The following ADCY2 variants were observed in gnomAD, a reference collection of about 807,000 sequenced individuals.
ADCY2 encodes adenylate cyclase type 2.
Under a neutral mutation model 125.2 loss-of-function variants are expected in ADCY2, and 31 were observed. The observed-to-expected ratio is 0.25, with a 90% CI of 0.19 to 0.33. ADCY2 has a LOEUF of 0.33. Ranked by LOEUF, ADCY2 falls within the 10% of genes least tolerant of loss-of-function variation. ADCY2 has a pLI of 1.00. For missense variants in ADCY2, 904 were observed against 1,418.2 expected (o/e 0.64, Z 5.82); for synonymous variants, 512 against 548.4 (o/e 0.93, Z 0.93).
chr5:7,817,510 G>T (rs1196426833), intron 23 of ADCY2, among the ~76,000 whole-genome samples: 1 of 152,094 alleles, frequency 6.6e-6, no homozygotes, highest in Non-Finnish European at 1.5e-5. Flanking sequence ...AAAAAATCCA[G>T]CTTTCTTTAT....
Position 7,511,771 on chromosome 5 carries a change from C to G in ADCY2, c.409-8967C>G, listed in dbSNP as rs1285484433. Among the ~76,000 whole-genome samples, 8 of 151,918 alleles carry G rather than the reference C, an allele frequency of 5.3e-5. No individual in the cohort carries two copies. In the East Asian group the frequency reaches 1.5e-3, roughly 29 times the overall value. On this transcript the variant is annotated intron_variant, in intron 2 of 24. Transcript: ENST00000338316. ...AACCACTGCAAAGGTCTTGCAGTTG[C>G]TCAGGGACCAGCAGGAGGGCCGGTG...
intron 15 of ADCY2, among the ~76,000 whole-genome samples, chr5:7,748,556 A>ACG (rs1742708843): frequency 6.7e-6 from 1 of 149,954 alleles, no homozygotes; most frequent in African/African-American, 2.4e-5. Flanking sequence ...ACACACACAC[A>ACG]CACACACAAA....
intron 1 of ADCY2, among the ~76,000 whole-genome samples, chr5:7,403,977 A>ACAC (rs1156535290): frequency 0.014 from 1,708 of 122,486 alleles, 13 homozygotes; most frequent in Middle Eastern, 0.023. Context: ...CACACACACA[A>ACAC]AATTACTAAA....
intron 2 of ADCY2, among the ~76,000 whole-genome samples, chr5:7,421,608 T>G (rs1009156004): frequency 1.1e-4 from 16 of 152,184 alleles, no homozygotes; most frequent in Admixed American, 8.5e-4. Context: ...TGAAGCTATC[T>G]TTTCAGGGGA....
chr5:7,414,657 G>T lies in ADCY2; in HGVS notation c.295G>T (p.Glu99Ter). The part of the protein sequence containing the change: ...FFAIFILVCI[E>*]SVFKKLLRLF... ...TGCGATATTTATCCTGGTCTGCATC[G>T]AGTCTGTGTTTAAGAAGCTGCTGCG... Residue 99 changes from glutamate (E) to a stop codon, truncating the protein, a stop_gained, in exon 2 of 25, where the codon GAG (glutamate) becomes TAG (stop). Coordinates refer to ENST00000338316, the MANE Select transcript of ADCY2 (RefSeq NM_020546.3). LOFTEE classifies it high-confidence loss of function. The T allele has an allele frequency of 6.2e-7, 1 of 1,613,762 alleles. No homozygotes were observed. The highest frequency in any genetic ancestry group is 8.5e-7 in the Non-Finnish European group (1 of 1,179,928).
rs1308822192 is a variant in ADCY2 at position 7,826,957 on chromosome 5, G to C, written c.*86G>C. The C allele has an allele frequency of 6.7e-7, 1 of 1,490,956 alleles. No individual in the cohort carries two copies. Among genetic ancestry groups the C allele is most frequent in the African/African-American group, 1.4e-5 (1 of 71,392 alleles). 92.4% of individuals were successfully genotyped at this position (1,490,956 alleles called of 1,614,324 possible). A position where few individuals can be genotyped will look rare whatever the true frequency, so the allele number is the denominator to read the frequency against. On this transcript the variant is annotated 3_prime_UTR_variant, in exon 25 of 25. Transcript: ENST00000338316. ...ACTGCAACTTCTGTCCCTTGTTTTTGATGTGCGTGCTGTCTGTCCTATGGA... is the reference window on the plus strand; with the variant it reads ...ACTGCAACTTCTGTCCCTTGTTTTTCATGTGCGTGCTGTCTGTCCTATGGA...
intron 2 of ADCY2, among the ~76,000 whole-genome samples, chr5:7,420,911 G>A (rs1199938916): frequency 3.9e-5 from 6 of 152,128 alleles, no homozygotes; most frequent in African/African-American, 1.2e-4. Flanking sequence ...AAATACATGA[G>A]CATGTTGAAC....
At chr5:7,564,202 C>T (rs776146655) in intron 3 of ADCY2, among the ~76,000 whole-genome samples, 5 of 152,168 alleles carry the variant, frequency 3.3e-5, no homozygotes, top group Non-Finnish European at 7.4e-5. Flanking sequence ...GGTTGGTTAT[C>T]TGTTGGTCTA....
intron 3 of ADCY2, among the ~76,000 whole-genome samples, chr5:7,535,956 T>C (rs1734799547): frequency 6.6e-6 from 1 of 152,220 alleles, no homozygotes; most frequent in African/African-American, 2.4e-5. Flanking sequence ...GCCATTTTGA[T>C]TTCCTATTAA....
intron 2 of ADCY2, among the ~76,000 whole-genome samples, chr5:7,463,385 C>T (rs1741985283): frequency 6.6e-6 from 1 of 152,032 alleles, no homozygotes. Context: ...TCACCATAGG[C>T]CTGGGATGTG....
At chr5:7,482,751 T>A (rs1425916592) in intron 2 of ADCY2, among the ~76,000 whole-genome samples, 1 of 127,928 alleles carries the variant, frequency 7.8e-6, no homozygotes, top group Non-Finnish European at 1.7e-5. Flanking sequence ...AGCTGATGAA[T>A]GGATAAAGAA....
chr5:7,540,688 A>G (rs1479377726), intron 3 of ADCY2, among the ~76,000 whole-genome samples: 1 of 152,162 alleles, frequency 6.6e-6, no homozygotes. Flanking sequence ...ACTGGTGAGC[A>G]TTTCTCCCAG....
chr5:7,772,825 C>G, intron 17 of ADCY2, 107 bp from the exon 18 acceptor site: 1 of 1,071,620 alleles, frequency 9.3e-7, no homozygotes. Context: ...TCACAGCCAC[C>G]TTATATGTTG....
At position 7,657,951 on chromosome 5, in the gene ADCY2, G is replaced by C. The variant is rs1343127572; in HGVS notation, c.720+31635G>C. The C allele has an allele frequency of 3.3e-5, 5 of 152,388 alleles. No homozygotes were observed. In the East Asian group the frequency reaches 5.8e-4, roughly 18 times the overall value. 9.4% of individuals were successfully genotyped at this position (152,388 alleles called of 1,614,324 possible). A position where few individuals can be genotyped will look rare whatever the true frequency, so the allele number is the denominator to read the frequency against. On this transcript the variant is annotated intron_variant, in intron 4 of 24. Coordinates refer to ENST00000338316, the MANE Select transcript of ADCY2 (RefSeq NM_020546.3). ...CCAGCTCCCACTGAGGCTGATGGAC[G>C]GGAGGGACCATTCATTGGAAATGAG...
At chr5:7,572,517 T>G (rs1431662780) in intron 3 of ADCY2, among the ~76,000 whole-genome samples, 2 of 152,198 alleles carry the variant, frequency 1.3e-5, no homozygotes, top group African/African-American at 4.8e-5. Context: ...GTAAATTTGT[T>G]TAAGTTCCTT....
At chr5:7,596,508 AAG>A (rs1737010124) in intron 3 of ADCY2, among the ~76,000 whole-genome samples, 1 of 152,258 alleles carries the variant, frequency 6.6e-6, no homozygotes, top group African/African-American at 2.4e-5. Context: ...TCTAAAAATT[AAG>A]AGTGTAATTC....
intron 3 of ADCY2, among the ~76,000 whole-genome samples, chr5:7,616,049 CT>C (rs1186040779): frequency 1.3e-5 from 2 of 152,074 alleles, no homozygotes; most frequent in Non-Finnish European, 2.9e-5. Context: ...GGGCATAATA[CT>C]TAAGTTGCTA....
intron 4 of ADCY2, among the ~76,000 whole-genome samples, chr5:7,682,527 A>G (rs562447690): frequency 1.1e-4 from 16 of 152,332 alleles, no homozygotes; most frequent in Non-Finnish European, 1.6e-4. Flanking sequence ...CCAAAAGAGA[A>G]CCATGAATGT....
chr5:7,694,646 A>G (rs2126318748), intron 5 of ADCY2, among the ~76,000 whole-genome samples: 1 of 152,304 alleles, frequency 6.6e-6, no homozygotes, highest in South Asian at 2.1e-4. Flanking sequence ...CATTGTATGG[A>G]TAGACCACAT....
Sources: gnomAD v4.1 joint callset for allele counts (sites outside exome capture counted in the v4.1 genomes callset) on GRCh38, gnomAD v4.1.1 for gene constraint, MANE v1.5 for transcripts, NCBI Gene and HGNC (gene_info 2026-07-23, HGNC 2026-07-21) for gene names.